FAM110B: variants seen among roughly 807,000 people sequenced by gnomAD.
FAM110B encodes the protein family with sequence similarity 110 member B, also known as protein FAM110B.
A neutral mutation model predicts 20.4 loss-of-function variants in FAM110B; 6 were observed. That is an observed-to-expected ratio of 0.29 (90% CI 0.16 to 0.58). The LOEUF (loss-of-function observed/expected upper bound fraction) is 0.58. Among genes scored for constraint, FAM110B ranks in the 20% least tolerant of loss-of-function variants. FAM110B has a pLI of 0.90. For missense variants in FAM110B, 434 were observed against 498.2 expected (o/e 0.87, Z 1.23); for synonymous variants, 226 against 214.1 (o/e 1.06, Z -0.49).
chr8:58,022,639 T>G (rs1334082867), intron 1 of FAM110B, among the ~76,000 whole-genome samples: 1 of 152,246 alleles, frequency 6.6e-6, no homozygotes, highest in East Asian at 1.9e-4. Context: ...CTGTTTGGTT[T>G]TACTAACATT....
intron 3 of FAM110B, among the ~76,000 whole-genome samples, chr8:58,109,972 C>T (rs1273294396): frequency 6.6e-6 from 1 of 152,182 alleles, no homozygotes; most frequent in Non-Finnish European, 1.5e-5. Context: ...ATCATACTCT[C>T]CATGTTTACT....
At chr8:58,019,053 A>G (rs1804691555) in intron 1 of FAM110B, among the ~76,000 whole-genome samples, 1 of 152,144 alleles carries the variant, frequency 6.6e-6, no homozygotes, top group South Asian at 2.1e-4. Context: ...TAAAAAAGAA[A>G]AGGCCAGGCG....
At chr8:58,038,159 G>C (rs1462604776) in intron 2 of FAM110B, among the ~76,000 whole-genome samples, 1 of 152,312 alleles carries the variant, frequency 6.6e-6, no homozygotes, top group East Asian at 1.9e-4. Context: ...GATTGCTGAT[G>C]ACATAGAAAT....
chr8:58,002,094 T>C (rs1339993169), intron 1 of FAM110B, among the ~76,000 whole-genome samples: 1 of 152,098 alleles, frequency 6.6e-6, no homozygotes, highest in Non-Finnish European at 1.5e-5. Flanking sequence ...TTTGTTCCAT[T>C]TGGGCCTTCT....
intron 2 of FAM110B, among the ~76,000 whole-genome samples, chr8:58,072,565 TAAG>T (rs1331542960): frequency 1.3e-5 from 2 of 152,196 alleles, no homozygotes; most frequent in Non-Finnish European, 2.9e-5. Context: ...AAAACTAAAT[TAAG>T]GAGACTCTTT....
intron 3 of FAM110B, among the ~76,000 whole-genome samples, chr8:58,144,645 CTTTA>C (rs1224292597): frequency 2.6e-5 from 4 of 152,178 alleles, no homozygotes; most frequent in East Asian, 3.8e-4. Flanking sequence ...TGTAATATGA[CTTTA>C]TTTATTTTGT....
intron 1 of FAM110B, among the ~76,000 whole-genome samples, chr8:57,999,607 A>G (rs1483562726): frequency 6.6e-6 from 1 of 152,306 alleles, no homozygotes; most frequent in East Asian, 1.9e-4. Flanking sequence ...TTCCTCTACT[A>G]TGATGATTAT....
intron 3 of FAM110B, among the ~76,000 whole-genome samples, chr8:58,092,591 CTACATAGTATTCAATGGTG>C (rs1473072261): frequency 6.6e-6 from 1 of 152,218 alleles, no homozygotes; most frequent in Non-Finnish European, 1.5e-5. Context: ...TTTTTTATGA[CTACATAGTATTCAATGGTG>C]TACATATGTC....
rs546840453 is a variant in FAM110B at position 58,128,848 on chromosome 8, T to A, written c.-324-17059T>A. On this transcript the variant is annotated intron_variant, in intron 3 of 3. Coordinates refer to ENST00000519262, the MANE Select transcript of FAM110B (RefSeq NM_001377989.1). ...CTGAGACAAACAATAAGTTTTATAT[T>A]TTTTTTTCCATCATCTCCCTAGGAT... Among the ~76,000 whole-genome samples, 10 of 152,262 alleles carry A rather than the reference T, an allele frequency of 6.6e-5. No individual in the cohort carries two copies. In the South Asian group the frequency reaches 1.0e-3, roughly 16 times the overall value.
rs1385821391 is a variant in FAM110B at position 58,146,077 on chromosome 8, T to C, written c.-154T>C. On this transcript the variant is annotated 5_prime_UTR_variant, in exon 4 of 4. Transcript: ENST00000519262. The stretch of plus-strand genomic sequence containing the variant: ...AAAGCCACCGTGGCGGTTAATGAGC[T>C]GTGAGATGAGGCGCTGCTGCGGCCG... 7 of 829,700 alleles carry C rather than the reference T, an allele frequency of 8.4e-6. No homozygotes were observed. In the African/African-American group the frequency reaches 1.2e-4, roughly 14 times the overall value. 51.4% of individuals were successfully genotyped at this position (829,700 alleles called of 1,614,324 possible).
intron 3 of FAM110B, among the ~76,000 whole-genome samples, chr8:58,130,719 T>A (rs1461374362): frequency 7.1e-6 from 1 of 141,792 alleles, no homozygotes; most frequent in Non-Finnish European, 1.5e-5. Flanking sequence ...ACTCTATGAA[T>A]TCTTAGCTGT....
chr8:58,051,943 G>T lies in FAM110B; in HGVS notation c.-414+20240G>T, dbSNP rs183322663. On this transcript the variant is annotated intron_variant, in intron 2 of 3. Coordinates refer to ENST00000519262, the MANE Select transcript of FAM110B (RefSeq NM_001377989.1). Reference sequence around the variant, plus strand: ...TGGATCTATAACATTTATTACTCTGGTAAGAGGATGTTCATTCCTTCTGAA... The same window carrying T: ...TGGATCTATAACATTTATTACTCTGTTAAGAGGATGTTCATTCCTTCTGAA... Among the ~76,000 whole-genome samples the T allele has an allele frequency of 3.9e-5, 6 of 152,220 alleles. No homozygotes were observed. The East Asian group carries it at 1.2e-3, about 29-fold the overall frequency.
rs1186550790 is a variant in FAM110B, at chr8:58,063,912, A to G, written c.-413-11623A>G. Among the ~76,000 whole-genome samples, 12 of 152,326 alleles carry G rather than the reference A, an allele frequency of 7.9e-5. 1 individual carries two copies. The East Asian group carries it at 2.3e-3, about 29-fold the overall frequency. Reference sequence around the variant, plus strand: ...AGAAATGCCTGAGATTGGGTAGTTTATAAAGAAAAGAGGTTTAATTGGCTC... The same window carrying G: ...AGAAATGCCTGAGATTGGGTAGTTTGTAAAGAAAAGAGGTTTAATTGGCTC... On this transcript the variant is annotated intron_variant, in intron 2 of 3. Coordinates refer to ENST00000519262, the MANE Select transcript of FAM110B (RefSeq NM_001377989.1).
At chr8:58,110,520 AT>A (rs1807033810) in intron 3 of FAM110B, among the ~76,000 whole-genome samples, 1 of 152,214 alleles carries the variant, frequency 6.6e-6, no homozygotes, top group South Asian at 2.1e-4. Flanking sequence ...ATATAGTGAA[AT>A]CTAATTAAGT....
chr8:58,062,147 A>G (rs1805669380), intron 2 of FAM110B, among the ~76,000 whole-genome samples: 1 of 152,224 alleles, frequency 6.6e-6, no homozygotes, highest in Non-Finnish European at 1.5e-5. Flanking sequence ...TAGCAAAATT[A>G]TATAATGAAA....
At chr8:58,084,176 G>A (rs933288015) in intron 3 of FAM110B, among the ~76,000 whole-genome samples, 1 of 152,196 alleles carries the variant, frequency 6.6e-6, no homozygotes, top group Non-Finnish European at 1.5e-5. Context: ...GCTGCCATCT[G>A]AATCATATAT....
chr8:58,013,496 A>G (rs1460944598), intron 1 of FAM110B, among the ~76,000 whole-genome samples: 1 of 152,166 alleles, frequency 6.6e-6, no homozygotes, highest in African/African-American at 2.4e-5. Context: ...TGCGTTCACC[A>G]CATTGCTGAA....
chr8:58,085,279 G>A (rs775866741), intron 3 of FAM110B, among the ~76,000 whole-genome samples: 9 of 152,122 alleles, frequency 5.9e-5, no homozygotes, highest in Non-Finnish European at 1.0e-4. Context: ...TCAGGAGTCC[G>A]GGGCAGGCAG....
intron 3 of FAM110B, among the ~76,000 whole-genome samples, chr8:58,144,199 G>T (rs1413685256): frequency 6.6e-6 from 1 of 152,120 alleles, no homozygotes; most frequent in Non-Finnish European, 1.5e-5. Flanking sequence ...TATTGTCCTG[G>T]GGTCAGCCCT....
Sources: allele counts gnomAD v4.1 joint callset (sites outside exome capture counted in the v4.1 genomes callset), GRCh38; gene constraint gnomAD v4.1.1; transcripts MANE v1.5; gene names NCBI Gene and HGNC (gene_info 2026-07-23, HGNC 2026-07-21).